CASR: variants seen among roughly 807,000 people sequenced by gnomAD.
CASR encodes the protein extracellular calcium-sensing receptor.
A neutral mutation model predicts 69.1 loss-of-function variants in CASR; 23 were observed. That is an observed-to-expected ratio of 0.33 (90% CI 0.24 to 0.47). The LOEUF (loss-of-function observed/expected upper bound fraction) is 0.47, where lower values mean the gene tolerates loss of function less well. Ranked by LOEUF, CASR falls within the 20% of genes least tolerant of loss-of-function variation. CASR has a pLI of 1.00. For synonymous variants in CASR, 541 were observed against 544.7 expected, an observed-to-expected ratio of 0.99 and a Z score of 0.10; for missense variants, 924 against 1,356.1, an observed-to-expected ratio of 0.68 and a Z score of 5.00.
chr3:122,194,612 T>C (rs1451372232), intron 1 of CASR, among the ~76,000 whole-genome samples: 1 of 152,208 alleles, frequency 6.6e-6, no homozygotes, highest in South Asian at 2.1e-4. Context: ...GGAAGTCTTT[T>C]TATGAGAAGG....
At chr3:122,260,078 A>G (rs139454234) in intron 3 of CASR, among the ~76,000 whole-genome samples, 31 of 152,264 alleles carry the variant, frequency 2.0e-4, no homozygotes, top group African/African-American at 7.2e-4. Flanking sequence ...ATAACTTGGA[A>G]CTTCCTAAGT....
chr3:122,254,970 T>G (rs987673375), intron 2 of CASR, among the ~76,000 whole-genome samples: 5 of 119,658 alleles, frequency 4.2e-5, no homozygotes, highest in African/African-American at 1.6e-4. Flanking sequence ...CCACCCCCCA[T>G]CCACCCTGCC....
At position 122,183,688 on chromosome 3, in the gene CASR, G is replaced by C. The variant is rs1237222882; in HGVS notation, c.-367G>C. 1 of 152,224 alleles carries C rather than the reference G, an allele frequency of 6.6e-6. No individual in the cohort carries two copies. Among genetic ancestry groups the C allele is most frequent in the Non-Finnish European group, 1.5e-5 (1 of 68,050 alleles). The allele number at this position is 152,224 out of a possible 1,614,324, so 9.4% of individuals were successfully genotyped here. On this transcript the variant is annotated 5_prime_UTR_variant, in exon 1 of 7. Coordinates refer to ENST00000639785, the MANE Select transcript of CASR (RefSeq NM_000388.4). ...CGGGTAGAGTAGACCAAGTGCAACA[G>C]GCACCTGGCTGCAGCCAGGAAGGAC... is the stretch of plus-strand genomic sequence containing the variant.
At chr3:122,278,156 C>T (rs931276917) in intron 5 of CASR, among the ~76,000 whole-genome samples, 1 of 151,508 alleles carries the variant, frequency 6.6e-6, no homozygotes, top group Non-Finnish European at 1.5e-5. Context: ...GGATGAAAAG[C>T]GTATGATAAA....
At chr3:122,236,483 G>C (rs756310091) in intron 1 of CASR, among the ~76,000 whole-genome samples, 1 of 152,216 alleles carries the variant, frequency 6.6e-6, no homozygotes, top group Non-Finnish European at 1.5e-5. Context: ...AATTTAGTGG[G>C]GAGGCATAGT....
rs35134180 is a variant in CASR, at chr3:122,234,722, A to C, written c.-242-19226A>C. 1.4e-3 allele frequency among the ~76,000 whole-genome samples: 219 copies of C among 152,364 alleles called. 1 individual carries two copies. Among genetic ancestry groups the C allele is most frequent in the African/African-American group, 5.0e-3 (207 of 41,584 alleles). The stretch of plus-strand genomic sequence containing the variant: ...GGACAGGAGTCACTCACTGAGGCTC[A>C]GGCTATGTGGACTAATCCAACTTCA... On this transcript the variant is annotated intron_variant, in intron 1 of 6. Transcript: ENST00000639785.
intron 1 of CASR, among the ~76,000 whole-genome samples, chr3:122,202,154 C>T (rs376141443): frequency 2.0e-5 from 3 of 151,930 alleles, no homozygotes; most frequent in South Asian, 2.1e-4. Context: ...AACCAGACTC[C>T]GTCTGCAATC....
At chr3:122,264,963 A>G (rs1417637445) in intron 4 of CASR, among the ~76,000 whole-genome samples, 1 of 152,224 alleles carries the variant, frequency 6.6e-6, no homozygotes, top group Non-Finnish European at 1.5e-5. Flanking sequence ...TTCTTCCCCT[A>G]TAAGCCAACC....
At chr3:122,223,666 G>A (rs1322537448) in intron 1 of CASR, among the ~76,000 whole-genome samples, 1 of 152,088 alleles carries the variant, frequency 6.6e-6, no homozygotes, top group Non-Finnish European at 1.5e-5. Context: ...TTGAGGAGGA[G>A]GAGATTCCAC....
At chr3:122,188,860 T>C (rs1368897326) in intron 1 of CASR, among the ~76,000 whole-genome samples, 1 of 152,182 alleles carries the variant, frequency 6.6e-6, no homozygotes, top group Non-Finnish European at 1.5e-5. Context: ...AATTAGAGGA[T>C]TCAGGTAGTT....
chr3:122,281,351 G>A (rs1311346474), intron 5 of CASR, among the ~76,000 whole-genome samples: 1 of 152,076 alleles, frequency 6.6e-6, no homozygotes, highest in Non-Finnish European at 1.5e-5. Context: ...AGTTTTATTT[G>A]GTCCTTTTCA....
chr3:122,215,027 AG>A (rs1412297902), intron 1 of CASR, among the ~76,000 whole-genome samples: 2 of 152,204 alleles, frequency 1.3e-5, no homozygotes, highest in African/African-American at 2.4e-5. Flanking sequence ...AGAAGGAAGG[AG>A]GTAGGTCTAT....
At chr3:122,234,973 T>C (rs1427954941) in intron 1 of CASR, among the ~76,000 whole-genome samples, 2 of 152,170 alleles carry the variant, frequency 1.3e-5, no homozygotes, top group African/African-American at 2.4e-5. Flanking sequence ...TCAGCACAGA[T>C]TGTGGAATGT....
intron 4 of CASR, among the ~76,000 whole-genome samples, chr3:122,264,648 G>C (rs2074667434): frequency 2.0e-5 from 3 of 152,148 alleles, no homozygotes; most frequent in Non-Finnish European, 4.4e-5. Context: ...AGCACAGATA[G>C]GAAAATGGGA....
At chr3:122,190,849 C>T (rs373460677) in intron 1 of CASR, among the ~76,000 whole-genome samples, 4 of 152,142 alleles carry the variant, frequency 2.6e-5, no homozygotes, top group East Asian at 1.9e-4. Flanking sequence ...ATAAATAAGG[C>T]GGCTGAGCAG....
chr3:122,247,333 CT>C (rs2074437742), intron 1 of CASR: 1 of 152,186 alleles, frequency 6.6e-6, no homozygotes, highest in South Asian at 2.1e-4. Flanking sequence ...GGACATCATA[CT>C]GAAAAATGCC....
chr3:122,224,100 A>C (rs2074199612), intron 1 of CASR, among the ~76,000 whole-genome samples: 1 of 152,222 alleles, frequency 6.6e-6, no homozygotes, highest in Admixed American at 6.5e-5. Flanking sequence ...AATGGGCAAA[A>C]GCTGTAAGCA....
At chr3:122,196,516 G>A (rs781770662) in intron 1 of CASR, among the ~76,000 whole-genome samples, 3 of 151,580 alleles carry the variant, frequency 2.0e-5, no homozygotes, top group South Asian at 2.1e-4. Flanking sequence ...GGTTTTTGGG[G>A]TTTTTTGTTT....
intron 1 of CASR, among the ~76,000 whole-genome samples, chr3:122,191,631 T>C (rs1245716697): frequency 6.6e-6 from 1 of 152,150 alleles, no homozygotes; most frequent in Non-Finnish European, 1.5e-5. Context: ...AATACTTGTA[T>C]ATAAAAGGTT....
Sources: allele counts gnomAD v4.1 joint callset (sites outside exome capture counted in the v4.1 genomes callset), GRCh38; gene constraint gnomAD v4.1.1; transcripts MANE v1.5; gene names NCBI Gene and HGNC (gene_info 2026-07-23, HGNC 2026-07-21).